RELCH: variants seen among roughly 807,000 people sequenced by gnomAD.
The protein encoded by RELCH is RAB11-binding protein RELCH.
A neutral mutation model predicts 150.3 loss-of-function variants in RELCH; 41 were observed. That is an observed-to-expected ratio of 0.27 (90% CI 0.21 to 0.35). The LOEUF is 0.35. Among genes scored for constraint, RELCH ranks in the 10% least tolerant of loss-of-function variants. The probability of loss-of-function intolerance (pLI) is 1.00; values close to 1 mark genes in which losing one functional copy is unlikely to be tolerated. For synonymous variants in RELCH, 478 were observed against 531.8 expected (o/e 0.90, Z 1.39); for missense variants, 1,092 against 1,467.8 (o/e 0.74, Z 4.18).
At chr18:62,220,234 T>C (rs2040763716) in intron 2 of RELCH, among the ~76,000 whole-genome samples, 1 of 152,072 alleles carries the variant, frequency 6.6e-6, no homozygotes, top group South Asian at 2.1e-4. Flanking sequence ...TCCTACTCAG[T>C]ATCCTTAGAA....
At position 62,298,848 on chromosome 18, in the gene RELCH, A is replaced by G; in HGVS notation, c.3518A>G (p.Gln1173Arg). 6.4e-7 allele frequency: 1 copy of G among 1,572,458 alleles called. No homozygotes were observed. Among genetic ancestry groups the G allele is most frequent in the Non-Finnish European group, 8.7e-7 (1 of 1,148,726 alleles). ...CEQKVENKTVQEPQGSMSIAA... is the reference protein window; with the variant it reads ...CEQKVENKTVREPQGSMSIAA... The stretch of plus-strand genomic sequence containing the variant: ...CAAAAAGTTGAAAACAAGACCGTCC[A>G]AGAGCCTCAAGGGTAAGACATTAAT... Residue 1173 changes from glutamine (Q) to arginine (R), a missense_variant, in exon 28 of 29, where the codon CAA becomes CGA. Gln to Arg is a conservative substitution (Grantham distance 43). Transcript: ENST00000644646.
intron 25 of RELCH, among the ~76,000 whole-genome samples, chr18:62,282,819 G>A (rs535213478): frequency 2.0e-5 from 3 of 152,162 alleles, no homozygotes; most frequent in Non-Finnish European, 2.9e-5. Context: ...CACCATGCCC[G>A]GCTAATTTTT....
At chr18:62,217,886 A>G (rs2040587813) in intron 2 of RELCH, among the ~76,000 whole-genome samples, 1 of 151,926 alleles carries the variant, frequency 6.6e-6, no homozygotes, top group African/African-American at 2.4e-5. Context: ...CTTTGTTCCC[A>G]CCAAGTTGAA....
At chr18:62,285,116 GT>G (rs1166590822) in intron 25 of RELCH, among the ~76,000 whole-genome samples, 1 of 137,132 alleles carries the variant, frequency 7.3e-6, no homozygotes, top group East Asian at 2.0e-4. Context: ...CTGATATACA[GT>G]TTTTTGTTTG....
At chr18:62,238,793 G>A (rs1326024352) in intron 10 of RELCH, among the ~76,000 whole-genome samples, 1 of 152,008 alleles carries the variant, frequency 6.6e-6, no homozygotes, top group African/African-American at 2.4e-5. Flanking sequence ...AATTGAAATG[G>A]ATGGACTTTA....
rs192574156 is a variant in RELCH, at chr18:62,244,445, G to A, written c.1621-319G>A. 3.0e-3 allele frequency among the ~76,000 whole-genome samples: 454 copies of A among 152,016 alleles called. 3 individuals are homozygous for A. Among genetic ancestry groups the A allele is most frequent in the Admixed American group, 5.5e-3 (84 of 15,268 alleles). ...AAAACACTTTTAGAATTAAAATTAC[G>A]GTGTCAGCATGTCACATGATGGAAT... is the stretch of plus-strand genomic sequence containing the variant. On this transcript the variant is annotated intron_variant, in intron 10 of 28. Transcript: ENST00000644646.
At chr18:62,265,826 T>C (rs2043529552) in intron 18 of RELCH, among the ~76,000 whole-genome samples, 1 of 152,006 alleles carries the variant, frequency 6.6e-6, no homozygotes, top group South Asian at 2.1e-4. Context: ...CCTTTTAACA[T>C]TGGCCTTTCT....
Position 62,252,719 on chromosome 18 carries a change from G to A in RELCH, c.1789G>A (p.Val597Ile). The A allele has an allele frequency of 1.2e-6, 2 of 1,613,944 alleles. No homozygotes were observed. Among genetic ancestry groups the A allele is most frequent in the Non-Finnish European group, 1.7e-6 (2 of 1,179,876 alleles). The change falls in exon 12 of 29, where the codon GTA becomes ATA. Residue 597 changes from valine to isoleucine, a missense_variant. By Grantham distance (29) the Val-to-Ile change is conservative (BLOSUM62 3). Transcript: ENST00000644646. Reference sequence around the variant, plus strand: ...TGCGCGTCATGTTGGACCAACACGTGTAGAAGCTGAACTTTTACCACAGTG... The same window carrying A: ...TGCGCGTCATGTTGGACCAACACGTATAGAAGCTGAACTTTTACCACAGTG... ...AFARHVGPTR[V>I]EAELLPQCWE...
chr18:62,204,033 A>G (rs531548917), intron 1 of RELCH, among the ~76,000 whole-genome samples: 9 of 152,296 alleles, frequency 5.9e-5, no homozygotes, highest in African/African-American at 2.2e-4. Context: ...TTTTTTACAC[A>G]AATATCTTTA....
intron 19 of RELCH, among the ~76,000 whole-genome samples, chr18:62,267,193 A>C (rs61466465): frequency 0.1 from 15,228 of 151,830 alleles, 906 homozygotes; most frequent in East Asian, 0.19. Context: ...TACAGACTTG[A>C]ATGGGTAGCT....
intron 25 of RELCH, among the ~76,000 whole-genome samples, chr18:62,282,870 C>T (rs191928111): frequency 2.0e-5 from 3 of 152,094 alleles, no homozygotes; most frequent in Admixed American, 6.6e-5. Context: ...GTTGGCCAGG[C>T]TGGTCTCCAG....
chr18:62,201,149 AT>A (rs1410593253), intron 1 of RELCH, among the ~76,000 whole-genome samples: 1 of 150,520 alleles, frequency 6.6e-6, no homozygotes, highest in Admixed American at 6.6e-5. Flanking sequence ...AATTTTTTGT[AT>A]TTTTATTAGA....
chr18:62,219,325 C>CTTTTTTTTTTTTTTTTTT (rs202196452), intron 2 of RELCH, among the ~76,000 whole-genome samples: 27 of 112,878 alleles, frequency 2.4e-4, no homozygotes, highest in South Asian at 5.9e-4. Context: ...TTCTTTTTTT[C>CTTTTTTTTTTTTTTTTTT]TTTTTTTTTT....
At chr18:62,261,737 T>G (rs2043283975) in intron 16 of RELCH, 79 bp downstream of exon 16, 1 of 1,292,926 alleles carries the variant, frequency 7.7e-7, no homozygotes, top group Admixed American at 2.2e-5. Context: ...TTATTAAAAG[T>G]CTAAAAATCA....
At chr18:62,242,107 G>A (rs1167194678) in intron 10 of RELCH, among the ~76,000 whole-genome samples, 6 of 151,998 alleles carry the variant, frequency 3.9e-5, no homozygotes, top group Non-Finnish European at 4.4e-5. Flanking sequence ...GAAGCCATCC[G>A]GCATCCTTTA....
At chr18:62,230,423 A>G (rs1396838493) in intron 8 of RELCH, among the ~76,000 whole-genome samples, 1 of 152,142 alleles carries the variant, frequency 6.6e-6, no homozygotes. Flanking sequence ...ACAGTACTCT[A>G]TAATCATAGA....
intron 25 of RELCH, chr18:62,285,354 T>G (rs1179131078): frequency 6.6e-6 from 1 of 152,204 alleles, no homozygotes; most frequent in Non-Finnish European, 1.5e-5. Context: ...CTTTTTTCAT[T>G]TACAATTTTA....
intron 19 of RELCH, among the ~76,000 whole-genome samples, chr18:62,267,512 G>GTGTGTGTGTGTGTGTT (rs1555743427): frequency 7.4e-6 from 1 of 135,762 alleles, no homozygotes; most frequent in Non-Finnish European, 1.6e-5. Flanking sequence ...GTGTGTGTGT[G>GTGTGTGTGTGTGTGTT]TGTGTGTATA....
At chr18:62,212,567 A>T (rs2148320458) in intron 2 of RELCH, among the ~76,000 whole-genome samples, 1 of 152,346 alleles carries the variant, frequency 6.6e-6, no homozygotes, top group African/African-American at 2.4e-5. Flanking sequence ...GGTCATTATG[A>T]ATAAAAATGA....
Sources: allele counts gnomAD v4.1 joint callset (sites outside exome capture counted in the v4.1 genomes callset), GRCh38; gene constraint gnomAD v4.1.1; transcripts MANE v1.5; gene names NCBI Gene and HGNC (gene_info 2026-07-23, HGNC 2026-07-21).